FUT1: variants seen among roughly 807,000 people sequenced by gnomAD.
FUT1 encodes the protein fucosyltransferase 1 (H blood group).
For missense variants in FUT1, 476 were observed against 492.7 expected, an observed-to-expected ratio of 0.97 and a Z score of 0.32; for synonymous variants, 215 against 208.7, an observed-to-expected ratio of 1.03 and a Z score of -0.26.
At chr19:48,754,185 C>CAA (rs4002472), upstream of FUT1, among the ~76,000 whole-genome samples, 13,706 of 73,256 alleles carry the variant, frequency 0.19, 868 homozygotes, top group South Asian at 0.32. Flanking sequence ...GACTCCGCCT[C>CAA]AAAAAAAAAA....
Position 48,749,878 on chromosome 19 carries a change from T to G in FUT1, c.*306A>C. The G allele has an allele frequency of 2.3e-6, 1 of 433,126 alleles. No homozygotes were observed. The highest frequency in any genetic ancestry group is 2.0e-5 in the African/African-American group (1 of 49,980). The allele number at this position is 433,126 out of a possible 1,614,324, so 26.8% of individuals were successfully genotyped here. On this transcript the variant is annotated 3_prime_UTR_variant, in exon 2 of 2. Coordinates refer to ENST00000645652, the MANE Select transcript of FUT1 (RefSeq NM_001384359.1). ...CTTCTAGAGTAGACCAGAGGGAGAG[T>G]TCCCCATTCCTGGGGGCAGCCATCT...
chr19:48,750,571 GC>G lies in FUT1; in HGVS notation c.710del (p.Gly237AlafsTer43), dbSNP rs1486913817. On this transcript the variant is annotated frameshift_variant, in exon 2 of 2. Coordinates refer to ENST00000645652, the MANE Select transcript of FUT1 (RefSeq NM_001384359.1). LOFTEE classifies it low-confidence loss of function (END_TRUNC). ...VMPQRWKGVV[G>X]DSAYLRQAMD... The stretch of plus-strand genomic sequence containing the variant: ...TGGCCTGCCGGAGGTAGGCGCTGTC[GC>G]CCACCACACCCTTCCAGCGCTGAGG... 2 of 1,611,464 alleles carry G rather than the reference GC, an allele frequency of 1.2e-6. No individual in the cohort carries two copies. Among genetic ancestry groups the G allele is most frequent in the Non-Finnish European group, 1.7e-6 (2 of 1,180,010 alleles).
Position 48,750,780 on chromosome 19 carries a change from G to C in FUT1, c.502C>G (p.Pro168Ala). 2.5e-6 allele frequency: 4 copies of C among 1,613,990 alleles called. No individual in the cohort carries two copies. Among genetic ancestry groups the C allele is most frequent in the Non-Finnish European group, 3.4e-6 (4 of 1,179,986 alleles). Reference sequence around the variant, plus strand: ...TGGTGGAAGAAAGTCCAAGAGCAGGGGAAGCCAGAGAGCTTCAGGAAAGGA... The same window carrying C: ...TGGTGGAAGAAAGTCCAAGAGCAGGCGAAGCCAGAGAGCTTCAGGAAAGGA... ...RDPFLKLSGF[P>A]CSWTFFHHLR... is the part of the protein sequence containing the mutation. Residue 168 changes from proline to alanine, a missense_variant, in exon 2 of 2, where the codon CCC (proline) becomes GCC (alanine). Coordinates refer to ENST00000645652, the MANE Select transcript of FUT1 (RefSeq NM_001384359.1).
At position 48,750,533 on chromosome 19, in the gene FUT1, C is replaced by T; in HGVS notation, c.749G>A (p.Arg250Gln). 3 of 1,613,420 alleles carry T rather than the reference C, an allele frequency of 1.9e-6. No homozygotes were observed. Among genetic ancestry groups the T allele is most frequent in the Admixed American group, 1.7e-5 (1 of 60,032 alleles). The change falls in exon 2 of 2, where the codon CGG (arginine) becomes CAG (glutamine). Residue 250 changes from arginine to glutamine, a missense_variant. Transcript: ENST00000645652. ...GAAAACGGGGGCTTCGTGCCGTGCC[C>T]GGAACCAGTCCATGGCCTGCCGGAG... ...AYLRQAMDWF[R>Q]ARHEAPVFVV... is the part of the protein sequence containing the mutation.
chr19:48,751,262 C>T lies in FUT1; in HGVS notation c.20G>A (p.Arg7His), dbSNP rs150995632. Residue 7 changes from arginine (R) to histidine (H), a missense_variant, in exon 2 of 2, where the codon CGT becomes CAT. By Grantham distance (29) the Arg-to-His change is conservative (BLOSUM62 0). Transcript: ENST00000645652. ...TAGCAGGAAGGCCAGGCAGAGCTGA[C>T]GATGGCTCCGGAGCCACATGGCTGC... is the stretch of plus-strand genomic sequence containing the variant. MWLRSHRQLCLAFLLVC... is the reference protein window; with the variant it reads MWLRSHHQLCLAFLLVC... 2.5e-5 allele frequency: 41 copies of T among 1,613,778 alleles called. No homozygotes were observed. The highest frequency in any genetic ancestry group is 3.3e-5 in the Non-Finnish European group (39 of 1,179,898).
chr19:48,751,391 C>T (rs1295351485), intron 1 of FUT1, 108 bp from the exon 2 acceptor site: 2 of 1,171,160 alleles, frequency 1.7e-6, no homozygotes, highest in African/African-American at 3.1e-5. Context: ...TCCTTAGTCC[C>T]AGGGAAAGAG....
Position 48,752,037 on chromosome 19 carries a change from C to T in FUT1, c.-3+453G>A, listed in dbSNP as rs529619330. On this transcript the variant is annotated intron_variant, in intron 1 of 1. Coordinates refer to ENST00000645652, the MANE Select transcript of FUT1 (RefSeq NM_001384359.1). The surrounding 1 kb of genome is among the most constrained non-coding windows in gnomAD (Gnocchi z 4.3). The stretch of plus-strand genomic sequence containing the variant: ...CCGGATGCTAAGGCGGGAGGATCCC[C>T]GGAGCTCACAATGAGCCGCGATAGC... Among the ~76,000 whole-genome samples, 1 of 150,892 alleles carries T rather than the reference C, an allele frequency of 6.6e-6. No individual in the cohort carries two copies. The highest frequency in any genetic ancestry group is 1.5e-5 in the Non-Finnish European group (1 of 67,870).
chr19:48,749,849 C>A lies in FUT1; in HGVS notation c.*335G>T, dbSNP rs1013880070. The A allele has an allele frequency of 2.7e-6, 1 of 369,562 alleles. No individual in the cohort carries two copies. Among genetic ancestry groups the A allele is most frequent in the African/African-American group, 2.1e-5 (1 of 48,238 alleles). 22.9% of individuals were successfully genotyped at this position (369,562 alleles called of 1,614,324 possible). Reference sequence around the variant, plus strand: ...TTGGAGGACCCAGGGGAGAAGTAACCCCTCTTCTAGAGTAGACCAGAGGGA... The same window carrying A: ...TTGGAGGACCCAGGGGAGAAGTAACACCTCTTCTAGAGTAGACCAGAGGGA... On this transcript the variant is annotated 3_prime_UTR_variant, in exon 2 of 2. Transcript: ENST00000645652.
In FUT1 at chr19:48,750,551, TG is replaced by T; in HGVS notation, c.730del (p.Gln244ArgfsTer36). ...CCGTGCCCGGAACCAGTCCATGGCCTGCCGGAGGTAGGCGCTGTCGCCCACC... is the reference window on the plus strand; with the variant it reads ...CCGTGCCCGGAACCAGTCCATGGCCTCCGGAGGTAGGCGCTGTCGCCCACC... ...GVVGDSAYLR[Q>X]AMDWFRARHE... On this transcript the variant is annotated frameshift_variant, in exon 2 of 2. Transcript: ENST00000645652. LOFTEE classifies it low-confidence loss of function (END_TRUNC). 1 of 1,612,792 alleles carries T rather than the reference TG, an allele frequency of 6.2e-7. No individual in the cohort carries two copies. The highest frequency in any genetic ancestry group is 8.5e-7 in the Non-Finnish European group (1 of 1,180,018).
rs2033981032 is a variant in FUT1 at position 48,750,571 on chromosome 19, G to A, written c.711C>T (p.Gly237=). The A allele has an allele frequency of 6.2e-7, 1 of 1,611,582 alleles. No homozygotes were observed. Among genetic ancestry groups the A allele is most frequent in the Non-Finnish European group, 8.5e-7 (1 of 1,180,002 alleles). ...VMPQRWKGVV[G]DSAYLRQAMD... ...TGGCCTGCCGGAGGTAGGCGCTGTC[G>A]CCCACCACACCCTTCCAGCGCTGAG... The change falls in exon 2 of 2, where the codon GGC becomes GGT. Residue 237 remains glycine, a synonymous_variant. Coordinates refer to ENST00000645652, the MANE Select transcript of FUT1 (RefSeq NM_001384359.1).
rs1308092334 is a variant in FUT1, at chr19:48,748,033, C to A, written c.*2151G>T. Reference sequence around the variant, plus strand: ...GGGTTAGTGCTGTAGACTTTTAATTCATACCTCCTGCTCTCTCACCCGTGG... The same window carrying A: ...GGGTTAGTGCTGTAGACTTTTAATTAATACCTCCTGCTCTCTCACCCGTGG... On this transcript the variant is annotated 3_prime_UTR_variant, in exon 2 of 2. Transcript: ENST00000645652. 2.0e-5 allele frequency: 3 copies of A among 152,094 alleles called. No individual in the cohort carries two copies. The highest frequency in any genetic ancestry group is 4.4e-5 in the Non-Finnish European group (3 of 68,030). 9.4% of individuals were successfully genotyped at this position (152,094 alleles called of 1,614,324 possible).
chr19:48,752,970 C>A, upstream of FUT1: 1 of 885,364 alleles, frequency 1.1e-6, no homozygotes, highest in Non-Finnish European at 1.4e-6. The surrounding 1 kb of genome is among the most constrained non-coding windows in gnomAD (Gnocchi z 4.3). Flanking sequence ...GCCGGGAGGT[C>A]CAATCCGCCG....
At position 48,749,738 on chromosome 19, in the gene FUT1, C is replaced by G. The variant is rs1379605474; in HGVS notation, c.*446G>C. The G allele has an allele frequency of 4.7e-6, 1 of 213,780 alleles. No individual in the cohort carries two copies. The highest frequency in any genetic ancestry group is 9.4e-6 in the Non-Finnish European group (1 of 105,914). 13.2% of individuals were successfully genotyped at this position (213,780 alleles called of 1,614,324 possible). A position where few individuals can be genotyped will look rare whatever the true frequency, so the allele number is the denominator to read the frequency against. ...GCATCAAACCTGGTCCTCTCTAGAACAAGTCTCCCTCTAGAATCACTCCAG... is the reference window on the plus strand; with the variant it reads ...GCATCAAACCTGGTCCTCTCTAGAAGAAGTCTCCCTCTAGAATCACTCCAG... On this transcript the variant is annotated 3_prime_UTR_variant, in exon 2 of 2. Coordinates refer to ENST00000645652, the MANE Select transcript of FUT1 (RefSeq NM_001384359.1).
chr19:48,752,717 G>A, upstream of FUT1: 1 of 985,250 alleles, frequency 1.0e-6, no homozygotes, highest in African/African-American at 1.7e-5. This position sits in a 1 kb window ranked among gnomAD's most constrained non-coding sequence, Gnocchi z 4.3. Flanking sequence ...TCCCGGGCCG[G>A]GCGGATGGCT....
rs148719736 is a variant in FUT1 at position 48,751,053 on chromosome 19, G to C, written c.229C>G (p.Leu77Val). The C allele has an allele frequency of 1.7e-4, 278 of 1,602,122 alleles. No homozygotes were observed. The African/African-American group carries it at 2.7e-3, about 16-fold the overall frequency. The change falls in exon 2 of 2, where the codon CTC becomes GTC. Residue 77 changes from leucine to valine, a missense_variant. Physicochemically the swap from Leu to Val is conservative, Grantham distance 32. Transcript: ENST00000645652. ...SSSCPQHPAS[L>V]SGTWTVYPNG... The stretch of plus-strand genomic sequence containing the variant: ...GGGTAGACAGTCCAGGTGCCGGAGA[G>C]GGAAGCAGGGTGCTGGGGACAGGAA...
upstream of FUT1, chr19:48,752,856 T>C (rs1229125124): frequency 8.1e-6 from 8 of 985,588 alleles, no homozygotes; most frequent in Non-Finnish European, 9.6e-6. The surrounding 1 kb of genome is among the most constrained non-coding windows in gnomAD (Gnocchi z 4.3). Context: ...CGCCCCGTCA[T>C]TGACCTGCGC....
rs1478668868 is a variant in FUT1 at position 48,748,828 on chromosome 19, A to G, written c.*1356T>C. ...TTCCAGCAATGGTGGAACATTCATT[A>G]GATGCTACAATTAGGTTGCACATTC... On this transcript the variant is annotated 3_prime_UTR_variant, in exon 2 of 2. Coordinates refer to ENST00000645652, the MANE Select transcript of FUT1 (RefSeq NM_001384359.1). 2 of 152,212 alleles carry G rather than the reference A, an allele frequency of 1.3e-5. No individual in the cohort carries two copies. The highest frequency in any genetic ancestry group is 2.4e-5 in the African/African-American group (1 of 41,438). 9.4% of individuals were successfully genotyped at this position (152,212 alleles called of 1,614,324 possible).
At chr19:48,754,392 C>G (rs1177945364), upstream of FUT1, among the ~76,000 whole-genome samples, 1 of 152,112 alleles carries the variant, frequency 6.6e-6, no homozygotes, top group Non-Finnish European at 1.5e-5. Flanking sequence ...CCTGACTCCT[C>G]CAAGAAAAGG....
upstream of FUT1, among the ~76,000 whole-genome samples, chr19:48,754,070 T>C (rs577206524): frequency 1.7e-4 from 25 of 150,770 alleles, no homozygotes; most frequent in African/African-American, 6.1e-4. Flanking sequence ...CCTGTAGTCC[T>C]AGCTATTTGG....
Sources: allele counts gnomAD v4.1 joint callset (sites outside exome capture counted in the v4.1 genomes callset), GRCh38; gene constraint gnomAD v4.1.1; non-coding constraint Gnocchi (gnomAD v3.1); transcripts MANE v1.5; gene names NCBI Gene and HGNC (gene_info 2026-07-23, HGNC 2026-07-21).